Variants in CPD observed in about 807,000 individuals in gnomAD.
CPD encodes the protein carboxypeptidase D, also known as metallocarboxypeptidase D.
In CPD, 69 loss-of-function variants were observed where a neutral mutation model predicts 138.3. That is an observed-to-expected ratio of 0.50 (90% confidence interval 0.41 to 0.61). CPD has a LOEUF of 0.61. Ranked by LOEUF, CPD falls within the 20% of genes least tolerant of loss-of-function variation. The probability of loss-of-function intolerance (pLI) is 0.00; values close to 1 mark genes in which losing one functional copy is unlikely to be tolerated. For synonymous variants in CPD, 651 were observed against 642.1 expected (o/e 1.01, Z -0.21); for missense variants, 1,432 against 1,733.3 (o/e 0.83, Z 3.09).
In CPD at chr17:30,461,446, T is replaced by C. The variant is rs1913471055; in HGVS notation, c.3630+135T>C. ...ATATAGAAAGAAGAGTTTTGGTCAT[T>C]TTATGTTTCCTAAATAGATGCCATT... On this transcript the variant is annotated intron_variant, in intron 18 of 20. Transcript: ENST00000225719. 1.1e-5 allele frequency: 7 copies of C among 637,326 alleles called. No individual in the cohort carries two copies. The Admixed American group carries it at 2.9e-4, about 27-fold the overall frequency. 39.5% of individuals were successfully genotyped at this position (637,326 alleles called of 1,614,324 possible). A position where few individuals can be genotyped will look rare whatever the true frequency, so the allele number is the denominator to read the frequency against.
intron 2 of CPD, among the ~76,000 whole-genome samples, chr17:30,397,819 T>C (rs1000593583): frequency 6.0e-5 from 9 of 151,034 alleles, no homozygotes; most frequent in Non-Finnish European, 1.2e-4. Flanking sequence ...TAGATATTTC[T>C]AGAAATCAAA....
At chr17:30,412,951 C>T (rs1912006277) in intron 2 of CPD, among the ~76,000 whole-genome samples, 1 of 152,166 alleles carries the variant, frequency 6.6e-6, no homozygotes, top group Non-Finnish European at 1.5e-5. Flanking sequence ...AAATCTACCC[C>T]TCTTCTGTGT....
chr17:30,448,233 C>G (rs1913077922), intron 12 of CPD, among the ~76,000 whole-genome samples: 1 of 152,158 alleles, frequency 6.6e-6, no homozygotes, highest in South Asian at 2.1e-4. Context: ...CACAGTGGCT[C>G]ACACCTGTAA....
chr17:30,397,720 G>A (rs1911545174), intron 2 of CPD, among the ~76,000 whole-genome samples: 1 of 111,076 alleles, frequency 9.0e-6, no homozygotes, highest in South Asian at 3.0e-4. Flanking sequence ...TTGGGTGACA[G>A]AGCAAGACTC....
chr17:30,394,933 A>G (rs1413147664), intron 2 of CPD, among the ~76,000 whole-genome samples: 1 of 144,742 alleles, frequency 6.9e-6, no homozygotes, highest in East Asian at 2.0e-4. Flanking sequence ...GTGTTCGTTC[A>G]GGTGAAAGAG....
rs1465892661 is a variant in CPD at position 30,466,130 on chromosome 17, C to G, written c.*1316C>G. The stretch of plus-strand genomic sequence containing the variant: ...AAGATTTGCATTTTATTATGTCTGT[C>G]TTATCATGCAATGGAAATGATGCTT... On this transcript the variant is annotated 3_prime_UTR_variant, in exon 21 of 21. Transcript: ENST00000225719. 1.3e-5 allele frequency: 2 copies of G among 152,564 alleles called. No individual in the cohort carries two copies. Among genetic ancestry groups the G allele is most frequent in the African/African-American group, 4.8e-5 (2 of 41,420 alleles). 9.5% of individuals were successfully genotyped at this position (152,564 alleles called of 1,614,324 possible).
At position 30,456,482 on chromosome 17, in the gene CPD, G is replaced by A; in HGVS notation, c.3454G>A (p.Val1152Ile). 1 of 1,614,160 alleles carries A rather than the reference G, an allele frequency of 6.2e-7. No individual in the cohort carries two copies. The change falls in exon 17 of 21, where the codon GTA (valine) becomes ATA (isoleucine). Residue 1152 changes from valine to isoleucine, a missense_variant. Val to Ile is a conservative substitution (Grantham distance 29). This residue lies in a region of CPD where 366 missense variants were observed against 518.8 expected (regional missense o/e 0.71). Coordinates refer to ENST00000225719, the MANE Select transcript of CPD (RefSeq NM_001304.5). Reference sequence around the variant, plus strand: ...TATAGATGAGAATATTCCAGGAGGAGTAATGCGTGGAGCAGAATGGCATAG... The same window carrying A: ...TATAGATGAGAATATTCCAGGAGGAATAATGCGTGGAGCAGAATGGCATAG... ...NKSDENIPGG[V>I]MRGAEWHSHL...
At chr17:30,440,110 G>A (rs1316260061) in intron 9 of CPD, among the ~76,000 whole-genome samples, 4 of 133,194 alleles carry the variant, frequency 3.0e-5, no homozygotes, top group African/African-American at 1.2e-4. Context: ...TCTAACTGGT[G>A]TGAGATGGTA....
chr17:30,401,109 T>A (rs578144499), intron 2 of CPD, among the ~76,000 whole-genome samples: 3 of 152,306 alleles, frequency 2.0e-5, no homozygotes, highest in African/African-American at 7.2e-5. Context: ...CCTCCATGGC[T>A]TCTGCTGAGA....
At chr17:30,452,254 G>A (rs926643572) in intron 14 of CPD, among the ~76,000 whole-genome samples, 2 of 149,662 alleles carry the variant, frequency 1.3e-5, no homozygotes, top group African/African-American at 2.4e-5. Flanking sequence ...TTCAATTTCA[G>A]TACTTATAGA....
chr17:30,422,931 A>G lies in CPD; in HGVS notation c.1565A>G (p.Asn522Ser). 3.1e-6 allele frequency: 5 copies of G among 1,614,116 alleles called. No homozygotes were observed. Among genetic ancestry groups the G allele is most frequent in the South Asian group, 2.2e-5 (2 of 91,080 alleles). Reference sequence around the variant, plus strand: ...AGAAGGTTTGCCAATGAATATCCTAACATTACCCGGCTTTATTCCTTGGGA... The same window carrying G: ...AGAAGGTTTGCCAATGAATATCCTAGCATTACCCGGCTTTATTCCTTGGGA... ...FLRRFANEYPNITRLYSLGKS... is the reference protein window; with the variant it reads ...FLRRFANEYPSITRLYSLGKS... The change falls in exon 5 of 21, where the codon AAC becomes AGC. Residue 522 changes from asparagine (N) to serine (S), a missense_variant. Asn to Ser is a conservative substitution (Grantham distance 46, BLOSUM62 1). This residue lies in a region of CPD where 297 missense variants were observed against 405.3 expected (regional missense o/e 0.73). Coordinates refer to ENST00000225719, the MANE Select transcript of CPD (RefSeq NM_001304.5).
intron 1 of CPD, among the ~76,000 whole-genome samples, chr17:30,381,777 G>T (rs1254711089): frequency 6.6e-6 from 1 of 152,140 alleles, no homozygotes; most frequent in South Asian, 2.1e-4. Context: ...TGTATTTTGT[G>T]AGGTAAACCA....
chr17:30,445,701 G>C lies in CPD; in HGVS notation c.2554G>C (p.Val852Leu). The part of the protein sequence containing the change: ...ITASARGYNP[V>L]TKNVTVKSEG... ...TCTCCTTTATCATAGGTATAATCCA[G>C]TTACCAAGAATGTGACTGTCAAGAG... is the stretch of plus-strand genomic sequence containing the variant. Residue 852 changes from valine (V) to leucine (L), a missense_variant, in exon 12 of 21, where the codon GTT becomes CTT. Val to Leu is a conservative substitution (Grantham distance 32, BLOSUM62 1). Around this residue, in one of 6 missense-constraint regions of CPD, gnomAD observed 297 missense variants for 405.3 expected, o/e 0.73. Coordinates refer to ENST00000225719, the MANE Select transcript of CPD (RefSeq NM_001304.5). 6.2e-7 allele frequency: 1 copy of C among 1,603,532 alleles called. No individual in the cohort carries two copies. Among genetic ancestry groups the C allele is most frequent in the East Asian group, 2.2e-5 (1 of 44,668 alleles).
chr17:30,426,540 C>T (rs530240635), intron 6 of CPD, among the ~76,000 whole-genome samples: 151 of 152,304 alleles, frequency 9.9e-4, no homozygotes, highest in Middle Eastern at 3.4e-3. Flanking sequence ...GTCCAGGTGA[C>T]GTCAGCTGGT....
In CPD at chr17:30,422,848, G is replaced by C; in HGVS notation, c.1482G>C (p.Gln494His). 1 of 1,613,964 alleles carries C rather than the reference G, an allele frequency of 6.2e-7. No homozygotes were observed. The highest frequency in any genetic ancestry group is 8.5e-7 in the Non-Finnish European group (1 of 1,179,936). ...NILSGTSSSY[Q>H]PIQPKDFHHH... is the part of the protein sequence containing the mutation. ...TTTCTGGAACATCATCCTCCTACCAGCCAATTCAGCCAAAGGACTTTCACC... is the reference window on the plus strand; with the variant it reads ...TTTCTGGAACATCATCCTCCTACCACCCAATTCAGCCAAAGGACTTTCACC... Residue 494 changes from glutamine (Q) to histidine (H), a missense_variant, in exon 5 of 21, where the codon CAG becomes CAC. Coordinates refer to ENST00000225719, the MANE Select transcript of CPD (RefSeq NM_001304.5).
intron 2 of CPD, among the ~76,000 whole-genome samples, chr17:30,407,898 A>G (rs1473369377): frequency 6.6e-6 from 1 of 152,168 alleles, no homozygotes; most frequent in Admixed American, 6.5e-5. Flanking sequence ...GTCCATGCCT[A>G]TGTCCTCAAT....
intron 2 of CPD, among the ~76,000 whole-genome samples, chr17:30,403,196 C>G (rs565526324): frequency 1.3e-5 from 2 of 152,178 alleles, no homozygotes; most frequent in African/African-American, 4.8e-5. Context: ...AGTTTTGACT[C>G]GCCTTATGTA....
At chr17:30,453,710 A>G (rs1913222365) in intron 14 of CPD, among the ~76,000 whole-genome samples, 1 of 152,228 alleles carries the variant, frequency 6.6e-6, no homozygotes, top group Non-Finnish European at 1.5e-5. Flanking sequence ...CTGCCCTAGC[A>G]GAGGTTCTCC....
At chr17:30,460,289 G>C (rs1913435048) in intron 17 of CPD, among the ~76,000 whole-genome samples, 1 of 152,100 alleles carries the variant, frequency 6.6e-6, no homozygotes, top group African/African-American at 2.4e-5. Context: ...TGCTTTGAAT[G>C]CTTTGTTTTA....
Sources: gnomAD v4.1 joint callset for allele counts (sites outside exome capture counted in the v4.1 genomes callset) on GRCh38, gnomAD v4.1.1 for gene constraint, gnomAD v4.1.1 regional missense constraint, MANE v1.5 for transcripts, NCBI Gene and HGNC (gene_info 2026-07-23, HGNC 2026-07-21) for gene names.